KIF26B: variants seen among roughly 807,000 people sequenced by gnomAD.
The protein encoded by KIF26B is kinesin family member 26B.
In KIF26B, 63 loss-of-function variants were observed where a neutral mutation model predicts 151.2. That is an observed-to-expected ratio of 0.42 (90% confidence interval 0.34 to 0.51). The LOEUF is 0.51. Ranked by LOEUF, KIF26B falls within the 20% of genes least tolerant of loss-of-function variation. The pLI, the probability that KIF26B is intolerant of heterozygous loss-of-function variation, is 0.07. For missense variants in KIF26B, 2,813 were observed against 2,913.6 expected (o/e 0.97, Z 0.79); for synonymous variants, 1,357 against 1,262.1 (o/e 1.08, Z -1.59).
intron 2 of KIF26B, among the ~76,000 whole-genome samples, chr1:245,159,458 A>G (rs1668499842): frequency 6.6e-6 from 1 of 152,306 alleles, no homozygotes; most frequent in African/African-American, 2.4e-5. Flanking sequence ...AAGGAAAAAA[A>G]TGAATGAGAC....
chr1:245,377,283 C>T (rs541048154), intron 3 of KIF26B, among the ~76,000 whole-genome samples: 40 of 152,304 alleles, frequency 2.6e-4, no homozygotes, highest in Non-Finnish European at 5.4e-4. Context: ...ATCAAGGTGT[C>T]GGCCGTGCTG....
chr1:245,533,483 G>A (rs779645209), intron 4 of KIF26B, among the ~76,000 whole-genome samples: 10 of 152,160 alleles, frequency 6.6e-5, no homozygotes, highest in Non-Finnish European at 1.3e-4. Flanking sequence ...CAGACAAGAT[G>A]AAATATTCTT....
At chr1:245,699,785 C>G (rs1447243241) in intron 14 of KIF26B, among the ~76,000 whole-genome samples, 1 of 152,250 alleles carries the variant, frequency 6.6e-6, no homozygotes, top group Non-Finnish European at 1.5e-5. Flanking sequence ...AGCCCTCAGC[C>G]TCCGGCAGGC....
At chr1:245,556,249 TTCCTCCTTCCTCCCTCCTCCTCC>T (rs1662024386) in intron 5 of KIF26B, among the ~76,000 whole-genome samples, 3 of 135,916 alleles carry the variant, frequency 2.2e-5, no homozygotes, top group African/African-American at 7.8e-5. Context: ...TTCCTCCTTC[TTCCTCCTTCCTCCCTCCTCCTCC>T]TCTTCTTCTT....
At chr1:245,510,882 T>A (rs983197102) in intron 4 of KIF26B, 2 of 580,058 alleles carry the variant, frequency 3.4e-6, no homozygotes, top group Admixed American at 6.1e-5. Flanking sequence ...GATCATGGTT[T>A]AGCCAAAGGC....
At chr1:245,456,235 A>T (rs1659515231) in intron 4 of KIF26B, among the ~76,000 whole-genome samples, 1 of 152,222 alleles carries the variant, frequency 6.6e-6, no homozygotes, top group Non-Finnish European at 1.5e-5. Flanking sequence ...AGATCATTAC[A>T]TTATGTGGAT....
In KIF26B at chr1:245,545,639, A is replaced by G. The variant is rs112025277; in HGVS notation, c.1350+4689A>G. On this transcript the variant is annotated intron_variant, in intron 5 of 14. Coordinates refer to ENST00000407071, the MANE Select transcript of KIF26B (RefSeq NM_018012.4). ...ATTCTGTCTCACTTTGAAGTTACAT[A>G]AACAAATTATGCTACTAAGTAGTCT... Among the ~76,000 whole-genome samples, 184 of 152,246 alleles carry G rather than the reference A, an allele frequency of 1.2e-3. 2 individuals are homozygous for G. Among genetic ancestry groups the G allele is most frequent in the African/African-American group, 4.4e-3 (183 of 41,572 alleles).
At chr1:245,546,238 C>CA (rs1270004301) in intron 5 of KIF26B, among the ~76,000 whole-genome samples, 2 of 151,746 alleles carry the variant, frequency 1.3e-5, no homozygotes, top group Non-Finnish European at 1.5e-5. Flanking sequence ...TTTTTTGAGT[C>CA]AGAGTTTCAC....
At chr1:245,580,687 G>A (rs61341301) in intron 5 of KIF26B, among the ~76,000 whole-genome samples, 12,859 of 152,222 alleles carry the variant, frequency 0.084, 626 homozygotes, top group Middle Eastern at 0.15. Flanking sequence ...TGGAGGGCAC[G>A]GAGGAAAATT....
At chr1:245,359,143 C>G (rs568915947) in intron 2 of KIF26B, among the ~76,000 whole-genome samples, 1 of 152,028 alleles carries the variant, frequency 6.6e-6, no homozygotes, top group Admixed American at 6.6e-5. Flanking sequence ...CTCAGCCTCC[C>G]GGGTAGCTGG....
intron 2 of KIF26B, among the ~76,000 whole-genome samples, chr1:245,361,744 GC>G (rs1470577562): frequency 3.3e-5 from 5 of 152,212 alleles, no homozygotes; most frequent in Non-Finnish European, 7.3e-5. Context: ...CTCACCTGGA[GC>G]AAACCCTAAT....
intron 2 of KIF26B, among the ~76,000 whole-genome samples, chr1:245,267,634 GCACACACA>G (rs66498609): frequency 0.096 from 13,044 of 136,108 alleles, 648 homozygotes; most frequent in East Asian, 0.11. Context: ...GCTAAGTAAT[GCACACACA>G]CACACACACA....
At chr1:245,662,446 A>G (rs368254782) in intron 10 of KIF26B, among the ~76,000 whole-genome samples, 14,126 of 147,494 alleles carry the variant, frequency 0.096, 869 homozygotes, top group Middle Eastern at 0.13. Context: ...ATATATATAT[A>G]TATATATATA....
chr1:245,702,361 G>C lies in KIF26B; in HGVS notation c.6179-97G>C. 1.5e-6 allele frequency: 2 copies of C among 1,357,962 alleles called. No individual in the cohort carries two copies. Among genetic ancestry groups the C allele is most frequent in the Admixed American group, 1.8e-5 (1 of 55,946 alleles). The allele number at this position is 1,357,962 out of a possible 1,614,324, so 84.1% of individuals were successfully genotyped here. ...AAGCGAACTAGACCTTTAGACCAAG[G>C]GGTAGATGTGGGGGTGGCAGCTCCA... On this transcript the variant is annotated intron_variant, in intron 14 of 14. Transcript: ENST00000407071. This position sits in a 1 kb window ranked among gnomAD's most constrained non-coding sequence, Gnocchi z 4.1.
intron 4 of KIF26B, among the ~76,000 whole-genome samples, chr1:245,470,429 TTG>T (rs1659884699): frequency 6.6e-6 from 1 of 151,946 alleles, no homozygotes; most frequent in South Asian, 2.1e-4. Context: ...TAATGCCACT[TTG>T]TTTTTGTTTT....
In KIF26B at chr1:245,612,097, T is replaced by TGAGAGA. The variant is rs1376600338; in HGVS notation, c.2098+122_2098+123insAGAGAG. On this transcript the variant is annotated intron_variant, in intron 9 of 14. Transcript: ENST00000407071. ...GTGTGTGTGTGTGTGTGTGTGTGTGTGTGTGTGTGAGAGAGAGAGAGAGAG... is the reference window on the plus strand; with the variant it reads ...GTGTGTGTGTGTGTGTGTGTGTGTGTGAGAGAGTGTGTGTGAGAGAGAGAGAGAGAG... 179 of 654,298 alleles carry TGAGAGA rather than the reference T, an allele frequency of 2.7e-4. No individual in the cohort carries two copies. In the East Asian group the frequency reaches 3.1e-3, roughly 11 times the overall value. The allele number at this position is 654,298 out of a possible 1,614,324, so 40.5% of individuals were successfully genotyped here.
intron 4 of KIF26B, among the ~76,000 whole-genome samples, chr1:245,474,036 G>T (rs1280275172): frequency 1.3e-5 from 2 of 151,114 alleles, no homozygotes; most frequent in Admixed American, 6.6e-5. Context: ...GAGTTCTTCT[G>T]TTCTAGCTAT....
chr1:245,364,488 G>A (rs928794947), intron 2 of KIF26B, among the ~76,000 whole-genome samples: 2 of 141,478 alleles, frequency 1.4e-5, no homozygotes, highest in Non-Finnish European at 3.0e-5. Context: ...GTGCAGTGGT[G>A]TGATCTTGGC....
chr1:245,483,867 T>C (rs1572085605), intron 4 of KIF26B, among the ~76,000 whole-genome samples: 1 of 151,932 alleles, frequency 6.6e-6, no homozygotes, highest in African/African-American at 2.4e-5. Flanking sequence ...AGCGAAGGCT[T>C]CTCCTCGTTC....
Sources: gnomAD v4.1 joint callset for allele counts (sites outside exome capture counted in the v4.1 genomes callset) on GRCh38, gnomAD v4.1.1 for gene constraint, Gnocchi (gnomAD v3.1) non-coding constraint, MANE v1.5 for transcripts, NCBI Gene and HGNC (gene_info 2026-07-23, HGNC 2026-07-21) for gene names.